KCNQ2: variants seen among roughly 807,000 people sequenced by gnomAD.
The protein encoded by KCNQ2 is potassium voltage-gated channel subfamily KQT member 2.
KCNQ2 carries 14 observed loss-of-function variants against 84.8 expected under a neutral mutation model. The observed-to-expected ratio is 0.17, with a 90% CI of 0.11 to 0.26. KCNQ2 has a LOEUF of 0.26. Among genes scored for constraint, KCNQ2 ranks in the 10% least tolerant of loss-of-function variants. The pLI is 1.00. For synonymous variants in KCNQ2, 599 were observed against 554.1 expected, an observed-to-expected ratio of 1.08 and a Z score of -1.14; for missense variants, 788 against 1,254.0, an observed-to-expected ratio of 0.63 and a Z score of 5.61.
rs1025748805 is a variant in KCNQ2, at chr20:63,407,082, G to A, written c.2181C>T (p.Gly727=). ...SWQPQSHPRQ[G]HGTSPVGDHG... ...GGTCCCCCACGGGGGAGGTGCCGTG[G>A]CCCTGGCGCGGGTGGCTCTGTGGCT... is the stretch of plus-strand genomic sequence containing the variant. The change falls in exon 17 of 17, where the codon GGC becomes GGT. Residue 727 remains glycine (G), a synonymous_variant. Transcript: ENST00000359125. The surrounding 1 kb of genome is among the most constrained non-coding windows in gnomAD (Gnocchi z 7.2). 3 of 1,531,244 alleles carry A rather than the reference G, an allele frequency of 2.0e-6. No individual in the cohort carries two copies. Among genetic ancestry groups the A allele is most frequent in the East Asian group, 4.9e-5 (2 of 40,874 alleles). 94.9% of individuals were successfully genotyped at this position (1,531,244 alleles called of 1,614,324 possible). A position where few individuals can be genotyped will look rare whatever the true frequency, so the allele number is the denominator to read the frequency against.
intron 7 of KCNQ2, 194 bp from the exon 8 acceptor site, chr20:63,434,097 A>T (rs1341014698): frequency 8.7e-6 from 5 of 572,456 alleles, no homozygotes; most frequent in African/African-American, 3.8e-5. Flanking sequence ...TAGGACAGAC[A>T]GGCAAGCCCG....
chr20:63,470,986 T>G (rs1041542027), intron 1 of KCNQ2: 1 of 152,212 alleles, frequency 6.6e-6, no homozygotes, highest in Non-Finnish European at 1.5e-5. Flanking sequence ...GGCCTGGCAT[T>G]TCCCTCTGGG....
Position 63,407,192 on chromosome 20 carries a change from G to A in KCNQ2, c.2071C>T (p.Arg691Cys), listed in dbSNP as rs1223286018. ...DRHGCIVKIVRSSSSTGQKNF... is the reference protein window; with the variant it reads ...DRHGCIVKIVCSSSSTGQKNF... ...TTCTGGCCCGTGGAGCTGCTGGAGC[G>A]CACGATCTTGACAATGCAGCCGTGC... The change falls in exon 17 of 17, where the codon CGC (arginine) becomes TGC (cysteine). Residue 691 changes from arginine to cysteine, a missense_variant. Transcript: ENST00000359125. The surrounding 1 kb of genome is among the most constrained non-coding windows in gnomAD (Gnocchi z 7.2). 6.9e-6 allele frequency: 11 copies of A among 1,605,580 alleles called. No homozygotes were observed. The highest frequency in any genetic ancestry group is 1.3e-5 in the African/African-American group (1 of 74,902).
chr20:63,447,118 G>T (rs1367294630), intron 1 of KCNQ2, among the ~76,000 whole-genome samples: 3 of 151,744 alleles, frequency 2.0e-5, no homozygotes, highest in African/African-American at 7.3e-5. Context: ...CTCCACTCTG[G>T]CCCCTGCCCC....
Position 63,401,826 on chromosome 20 carries a change from A to C in KCNQ2, c.*4818T>G, listed in dbSNP as rs991195574. On this transcript the variant is annotated 3_prime_UTR_variant, in exon 17 of 17. Coordinates refer to ENST00000359125, the MANE Select transcript of KCNQ2 (RefSeq NM_172107.4). ...CCTCGTGAGCTGTCCCTCTCACACCACGTCTGCTGGGCACCCTCCATGGCA... is the reference window on the plus strand; with the variant it reads ...CCTCGTGAGCTGTCCCTCTCACACCCCGTCTGCTGGGCACCCTCCATGGCA... The C allele has an allele frequency of 5.0e-6, 1 of 198,772 alleles. No individual in the cohort carries two copies. The highest frequency in any genetic ancestry group is 6.2e-5 in the South Asian group (1 of 16,190). The allele number at this position is 198,772 out of a possible 1,614,324, so 12.3% of individuals were successfully genotyped here.
At chr20:63,440,081 G>C (rs1486057985) in intron 5 of KCNQ2, among the ~76,000 whole-genome samples, 1 of 152,226 alleles carries the variant, frequency 6.6e-6, no homozygotes, top group Non-Finnish European at 1.5e-5. Flanking sequence ...CCAGAGGAAC[G>C]GGCAGGGCGT....
chr20:63,401,936 A>C lies in KCNQ2; in HGVS notation c.*4708T>G. 1 of 144,846 alleles carries C rather than the reference A, an allele frequency of 6.9e-6. No individual in the cohort carries two copies. Among genetic ancestry groups the C allele is most frequent in the Non-Finnish European group, 1.4e-5 (1 of 72,824 alleles). The allele number at this position is 144,846 out of a possible 1,614,324, so 9.0% of individuals were successfully genotyped here. Reference sequence around the variant, plus strand: ...AAGCCTCGTGAGCCATCCCTCTCATACCACGTCTGCTGGGCACCCTCCACG... The same window carrying C: ...AAGCCTCGTGAGCCATCCCTCTCATCCCACGTCTGCTGGGCACCCTCCACG... On this transcript the variant is annotated 3_prime_UTR_variant, in exon 17 of 17. Transcript: ENST00000359125.
intron 12 of KCNQ2, 100 bp from the exon 13 acceptor site, chr20:63,415,226 C>A: frequency 3.6e-6 from 4 of 1,104,752 alleles, no homozygotes; most frequent in Non-Finnish European, 5.3e-6. Context: ...GCCGCCCATG[C>A]GCCGGAGGGA....
chr20:63,443,070 T>C (rs1170370053), intron 4 of KCNQ2, among the ~76,000 whole-genome samples: 129 of 20,900 alleles, frequency 6.2e-3, no homozygotes, highest in Admixed American at 9.2e-3. Context: ...CCATCACCAT[T>C]ATCACCACCA....
chr20:63,464,684 C>T (rs750421509), intron 1 of KCNQ2, among the ~76,000 whole-genome samples: 1 of 152,208 alleles, frequency 6.6e-6, no homozygotes, highest in Non-Finnish European at 1.5e-5. Context: ...CACTCCAGCT[C>T]CACTCTCCAC....
At position 63,408,383 on chromosome 20, in the gene KCNQ2, C is replaced by A. The variant is rs377269898; in HGVS notation, c.1887+30G>T. 2.2e-4 allele frequency: 358 copies of A among 1,603,068 alleles called. 4 individuals carry two copies. The South Asian group carries it at 2.8e-3, about 13-fold the overall frequency. ...ACGGCAGGCACCACAGCCCTCCAGC[C>A]CCGCACCCCTCCCGCCCAGCCTCTC... is the stretch of plus-strand genomic sequence containing the variant. On this transcript the variant is annotated intron_variant, in intron 16 of 16. Transcript: ENST00000359125. The surrounding 1 kb of genome is among the most constrained non-coding windows in gnomAD (Gnocchi z 5.0).
rs1485360310 is a variant in KCNQ2 at position 63,406,929 on chromosome 20, C to T, written c.2334G>A (p.Glu778=). 6.2e-7 allele frequency: 1 copy of T among 1,601,368 alleles called. No individual in the cohort carries two copies. Among genetic ancestry groups the T allele is most frequent in the South Asian group, 1.1e-5 (1 of 89,968 alleles). Residue 778 remains glutamate (E), a synonymous_variant, in exon 17 of 17, where the codon GAG becomes GAA. Transcript: ENST00000359125. The part of the protein sequence containing the change: ...QEDTPGCRPP[E]GNLRDSDTSI... Reference sequence around the variant, plus strand: ...ACGTGTCGCTGTCCCGCAGGTTCCCCTCGGGGGGCCTGCAGCCCGGGGTGT... The same window carrying T: ...ACGTGTCGCTGTCCCGCAGGTTCCCTTCGGGGGGCCTGCAGCCCGGGGTGT...
At chr20:63,424,285 C>T (rs918776975) in intron 10 of KCNQ2, 79 bp from the exon 11 acceptor site, 4 of 1,493,074 alleles carry the variant, frequency 2.7e-6, no homozygotes, top group African/African-American at 2.8e-5. Context: ...CAGCCCCCCA[C>T]AGTCCCATGG....
At chr20:63,440,321 G>A (rs537996138) in intron 5 of KCNQ2, among the ~76,000 whole-genome samples, 13 of 152,286 alleles carry the variant, frequency 8.5e-5, no homozygotes, top group South Asian at 2.1e-4. Context: ...AGGAGCACCC[G>A]ACTCGGGGCC....
At chr20:63,421,278 C>T (rs1434397846) in intron 11 of KCNQ2, among the ~76,000 whole-genome samples, 1 of 151,096 alleles carries the variant, frequency 6.6e-6, no homozygotes, top group African/African-American at 2.4e-5. Context: ...CCACCAGGCA[C>T]CTGAGACTCG....
chr20:63,419,705 C>T (rs765619875), intron 11 of KCNQ2, 33 bp from the exon 12 acceptor site: 16 of 1,589,678 alleles, frequency 1.0e-5, no homozygotes, highest in Middle Eastern at 1.7e-4. Context: ...TAGTCCTGGG[C>T]GCCGGCAACA....
chr20:63,402,636 A>T lies in KCNQ2; in HGVS notation c.*4008T>A, dbSNP rs952719457. On this transcript the variant is annotated 3_prime_UTR_variant, in exon 17 of 17. Transcript: ENST00000359125. ...AGACCTCCAGCCCCGAAGGGGGCAA[A>T]CATTAAACCACACGCCCTGGCTGTG... 1 of 152,312 alleles carries T rather than the reference A, an allele frequency of 6.6e-6. No individual in the cohort carries two copies. Among genetic ancestry groups the T allele is most frequent in the Non-Finnish European group, 1.5e-5 (1 of 68,108 alleles). The allele number at this position is 152,312 out of a possible 1,614,324, so 9.4% of individuals were successfully genotyped here.
At chr20:63,449,555 G>A (rs552842587) in intron 1 of KCNQ2, among the ~76,000 whole-genome samples, 1 of 152,368 alleles carries the variant, frequency 6.6e-6, no homozygotes, top group African/African-American at 2.4e-5. Flanking sequence ...GGGGAGCAGA[G>A]GTCAGCATTG....
At chr20:63,428,315 C>T (rs1484547868) in intron 10 of KCNQ2, 52 bp downstream of exon 10, 1 of 1,417,596 alleles carries the variant, frequency 7.1e-7, no homozygotes, top group Non-Finnish European at 9.7e-7. Context: ...CAGCTGGGGC[C>T]CCCAGGAGGA....
Sources: gnomAD v4.1 joint callset for allele counts (sites outside exome capture counted in the v4.1 genomes callset) on GRCh38, gnomAD v4.1.1 for gene constraint, Gnocchi (gnomAD v3.1) non-coding constraint, MANE v1.5 for transcripts, NCBI Gene and HGNC (gene_info 2026-07-23, HGNC 2026-07-21) for gene names.